MYO3B: variants seen among roughly 807,000 people sequenced by gnomAD.
MYO3B encodes myosin-IIIb.
A neutral mutation model predicts 174.6 loss-of-function variants in MYO3B; 156 were observed. The observed-to-expected ratio is 0.89, with a 90% CI of 0.78 to 1.02. The LOEUF is 1.02. Among genes scored for constraint, MYO3B ranks in the 50% least tolerant of loss-of-function variants. The probability of loss-of-function intolerance (pLI) is 0.00; values close to 1 mark genes in which losing one functional copy is unlikely to be tolerated. For missense variants in MYO3B, 1,632 were observed against 1,639.4 expected (o/e 1.00, Z 0.08); for synonymous variants, 563 against 569.1 (o/e 0.99, Z 0.15).
chr2:170,585,799 C>T (rs1234125716), intron 32 of MYO3B, among the ~76,000 whole-genome samples: 2 of 152,180 alleles, frequency 1.3e-5, no homozygotes, highest in African/African-American at 4.8e-5. Flanking sequence ...CGCCTGTAAT[C>T]CCAGCACTTT....
intron 28 of MYO3B, among the ~76,000 whole-genome samples, chr2:170,513,371 C>T (rs780202642): frequency 6.6e-6 from 1 of 152,200 alleles, no homozygotes; most frequent in Admixed American, 6.5e-5. Flanking sequence ...CTCCAGTCTC[C>T]TGTTGGTTCC....
chr2:170,258,356 A>C (rs2105344890), intron 7 of MYO3B, among the ~76,000 whole-genome samples: 1 of 152,322 alleles, frequency 6.6e-6, no homozygotes, highest in East Asian at 1.9e-4. Flanking sequence ...CAGAAAGTTA[A>C]TTCATTACAA....
chr2:170,616,159 G>A (rs546547290), intron 32 of MYO3B, among the ~76,000 whole-genome samples: 26 of 152,282 alleles, frequency 1.7e-4, no homozygotes, highest in South Asian at 4.1e-4. Flanking sequence ...CTAGACAACC[G>A]GTTAGACCAG....
intron 32 of MYO3B, among the ~76,000 whole-genome samples, chr2:170,621,285 A>G (rs1367624827): frequency 1.3e-5 from 2 of 152,148 alleles, no homozygotes; most frequent in Non-Finnish European, 2.9e-5. Context: ...GTTACTTCAT[A>G]GGTTTATTTT....
chr2:170,283,347 G>T (rs1308752456), intron 7 of MYO3B, among the ~76,000 whole-genome samples: 1 of 152,152 alleles, frequency 6.6e-6, no homozygotes, highest in Admixed American at 6.5e-5. Flanking sequence ...TCCCAGCTGG[G>T]CTGTCACTTG....
At chr2:170,210,366 A>G (rs1344128127) in intron 3 of MYO3B, among the ~76,000 whole-genome samples, 1 of 152,238 alleles carries the variant, frequency 6.6e-6, no homozygotes, top group Non-Finnish European at 1.5e-5. Context: ...TTACATTTCC[A>G]TGCCTTCTTG....
Position 170,501,803 on chromosome 2 carries a change from C to T in MYO3B, c.3308C>T (p.Ala1103Val), listed in dbSNP as rs768929047. The T allele has an allele frequency of 2.5e-6, 4 of 1,611,540 alleles. No individual in the cohort carries two copies. The highest frequency in any genetic ancestry group is 3.3e-5 in the Admixed American group (2 of 59,992). ...AIQSAWRGYD[A>V]RRKFKKISNR... Reference sequence around the variant, plus strand: ...TTTTTAGCCTGGAGAGGATATGATGCTCGGAGGAAATTTAAGAAAATAAGC... The same window carrying T: ...TTTTTAGCCTGGAGAGGATATGATGTTCGGAGGAAATTTAAGAAAATAAGC... Residue 1103 changes from alanine to valine, a missense_variant, in exon 28 of 35, where the codon GCT becomes GTT. Transcript: ENST00000408978.
At chr2:170,425,250 A>G (rs1438575608) in intron 22 of MYO3B, among the ~76,000 whole-genome samples, 1 of 152,250 alleles carries the variant, frequency 6.6e-6, no homozygotes, top group Non-Finnish European at 1.5e-5. Flanking sequence ...TTTTTAGAAC[A>G]CAAGACTGCC....
intron 32 of MYO3B, among the ~76,000 whole-genome samples, chr2:170,631,056 C>T (rs1258523401): frequency 6.6e-6 from 1 of 152,222 alleles, no homozygotes; most frequent in African/African-American, 2.4e-5. Context: ...CGGAGAATGA[C>T]TTTGACGAGT....
chr2:170,299,557 C>A (rs1315591312), intron 7 of MYO3B, among the ~76,000 whole-genome samples: 1 of 152,028 alleles, frequency 6.6e-6, no homozygotes, highest in Non-Finnish European at 1.5e-5. Context: ...CACTATGTAC[C>A]TTTAATCTTT....
rs13411474 is a variant in MYO3B at position 170,376,553 on chromosome 2, C to T, written c.972-5463C>T. On this transcript the variant is annotated intron_variant, in intron 9 of 34. Transcript: ENST00000408978. ...GCCATGGAGGCTTTTGTCCTAGATT[C>T]TTGAGGACTGACATCTTTGAGCCTG... Among the ~76,000 whole-genome samples, 1,182 of 151,934 alleles carry T rather than the reference C, an allele frequency of 7.8e-3. 15 individuals are homozygous for T. The highest frequency in any genetic ancestry group is 0.027 in the African/African-American group (1,133 of 41,410).
At chr2:170,232,716 C>G (rs1448218642) in intron 6 of MYO3B, among the ~76,000 whole-genome samples, 1 of 152,196 alleles carries the variant, frequency 6.6e-6, no homozygotes. Flanking sequence ...CCTACTTTGC[C>G]AAATTATTAT....
intron 1 of MYO3B, among the ~76,000 whole-genome samples, chr2:170,189,152 C>G (rs1301866518): frequency 2.0e-5 from 3 of 152,036 alleles, no homozygotes; most frequent in African/African-American, 7.2e-5. Flanking sequence ...TTTCCTTCAG[C>G]AATTTAAATA....
intron 32 of MYO3B, among the ~76,000 whole-genome samples, chr2:170,573,531 T>G (rs1011432414): frequency 6.6e-6 from 1 of 152,156 alleles, no homozygotes; most frequent in South Asian, 2.1e-4. Context: ...CAATTAACCT[T>G]ATAAATAATC....
chr2:170,565,820 C>T (rs1012077), intron 32 of MYO3B, among the ~76,000 whole-genome samples: 34,067 of 152,122 alleles, frequency 0.22, 5,870 homozygotes, highest in African/African-American at 0.47. Context: ...TATGTAACTG[C>T]ATACAATACT....
At chr2:170,608,814 A>G (rs1386903011) in intron 32 of MYO3B, among the ~76,000 whole-genome samples, 1 of 152,128 alleles carries the variant, frequency 6.6e-6, no homozygotes, top group Non-Finnish European at 1.5e-5. Flanking sequence ...CAGGGCCCAC[A>G]ATATAAAGTT....
intron 25 of MYO3B, among the ~76,000 whole-genome samples, chr2:170,497,508 C>T (rs1686942536): frequency 6.6e-6 from 1 of 151,964 alleles, no homozygotes; most frequent in South Asian, 2.1e-4. Flanking sequence ...CCCAGCTACT[C>T]AGGACGCTGA....
chr2:170,347,902 AT>A (rs1369985429), intron 8 of MYO3B: 2 of 152,198 alleles, frequency 1.3e-5, no homozygotes, highest in African/African-American at 4.8e-5. Flanking sequence ...GCTACTCCTC[AT>A]TTCCTTCTCC....
At chr2:170,211,030 G>A (rs1054047441) in intron 3 of MYO3B, among the ~76,000 whole-genome samples, 4 of 152,156 alleles carry the variant, frequency 2.6e-5, no homozygotes, top group African/African-American at 9.7e-5. Context: ...AGCTTTTAAG[G>A]CCTAATAAAC....
Sources: gnomAD v4.1 joint callset for allele counts (sites outside exome capture counted in the v4.1 genomes callset) on GRCh38, gnomAD v4.1.1 for gene constraint, MANE v1.5 for transcripts, NCBI Gene and HGNC (gene_info 2026-07-23, HGNC 2026-07-21) for gene names.